DST: variants seen among roughly 807,000 people sequenced by gnomAD.
The protein encoded by DST is bullous pemphigoid antigen.
A neutral mutation model predicts 875.2 loss-of-function variants in DST; 253 were observed. The ratio of observed to expected loss-of-function variants is 0.29; its 90% CI spans 0.26 to 0.32. The LOEUF is 0.32. Among genes scored for constraint, DST ranks in the 10% least tolerant of loss-of-function variants. The probability of loss-of-function intolerance (pLI) is 1.00; values close to 1 mark genes in which losing one functional copy is unlikely to be tolerated. For missense variants in DST, 8,287 were observed against 9,111.6 expected (o/e 0.91, Z 3.68); for synonymous variants, 3,124 against 3,197.1 (o/e 0.98, Z 0.77).
intron 90 of DST, 149 bp downstream of exon 90, chr6:56,481,901 T>C (rs895928642): frequency 2.4e-6 from 2 of 827,968 alleles, no homozygotes; most frequent in African/African-American, 3.4e-5. Context: ...GTAAGCAATG[T>C]GGACAGAAGT....
chr6:56,720,661 G>T (rs113413484), intron 5 of DST, among the ~76,000 whole-genome samples: 3,353 of 152,202 alleles, frequency 0.022, 104 homozygotes, highest in African/African-American at 0.07. Context: ...CAGAGAGCAC[G>T]GGGTTGGGGG....
intron 3 of DST, among the ~76,000 whole-genome samples, chr6:56,880,686 C>CA (rs1451926460): frequency 2.8e-5 from 3 of 106,322 alleles, no homozygotes; most frequent in African/African-American, 1.1e-4. Context: ...GACTCCGTCT[C>CA]AAAAAAAAGA....
rs539150671 is a variant in DST at position 56,463,533 on chromosome 6, G to A, written c.22959+32C>T. ...GTCTACTTGGGACATTGATTGCAAA[G>A]GTGGAGGAAAAGTCTTCATCCTGAG... On this transcript the variant is annotated intron_variant, in intron 101 of 103. Transcript: ENST00000680361. 16 of 1,517,446 alleles carry A rather than the reference G, an allele frequency of 1.1e-5. No individual in the cohort carries two copies. In the South Asian group the frequency reaches 1.2e-4, roughly 11 times the overall value. 94.0% of individuals were successfully genotyped at this position (1,517,446 alleles called of 1,614,324 possible).
intron 2 of DST, among the ~76,000 whole-genome samples, chr6:56,950,383 C>G (rs1264649107): frequency 6.6e-6 from 1 of 152,146 alleles, no homozygotes; most frequent in Non-Finnish European, 1.5e-5. Flanking sequence ...CTGAAGTACT[C>G]CCAAGACCCT....
intron 4 of DST, among the ~76,000 whole-genome samples, chr6:56,759,534 C>A (rs2099612391): frequency 6.6e-6 from 1 of 152,134 alleles, no homozygotes; most frequent in African/African-American, 2.4e-5. Flanking sequence ...ACAGGAATGA[C>A]TTTGTAGTTT....
At chr6:56,517,341 A>C in intron 70 of DST, 36 bp from the exon 71 acceptor site, 1 of 1,597,222 alleles carries the variant, frequency 6.3e-7, no homozygotes, top group Non-Finnish European at 8.6e-7. Flanking sequence ...AAAATAAAAC[A>C]AGAAATTGTA....
At position 56,772,112 on chromosome 6, in the gene DST, G is replaced by A. The variant is rs77541387; in HGVS notation, c.626-36823C>T. 6.1e-3 allele frequency among the ~76,000 whole-genome samples: 929 copies of A among 152,292 alleles called. 2 individuals are homozygous for A. The highest frequency in any genetic ancestry group is 0.031 in the Middle Eastern group (9 of 294). ...AGGTTATTTTAGACATGAGGATTGA[G>A]TAATGCCAAGAAAGCTGACATGTCA... On this transcript the variant is annotated intron_variant, in intron 4 of 103. Transcript: ENST00000680361.
At chr6:56,846,108 C>T (rs2127565349) in intron 4 of DST, among the ~76,000 whole-genome samples, 1 of 152,306 alleles carries the variant, frequency 6.6e-6, no homozygotes, top group East Asian at 1.9e-4. Context: ...ATAGTACCTA[C>T]TTCATGGGGT....
chr6:56,862,689 G>C (rs918539976), intron 3 of DST, among the ~76,000 whole-genome samples: 2 of 152,128 alleles, frequency 1.3e-5, no homozygotes, highest in African/African-American at 2.4e-5. Flanking sequence ...TTACTGTAAT[G>C]GTCCAGCAAT....
chr6:56,600,629 C>T (rs1356430277), intron 44 of DST, among the ~76,000 whole-genome samples: 1 of 152,022 alleles, frequency 6.6e-6, no homozygotes, highest in African/African-American at 2.4e-5. Flanking sequence ...GGTTATCATG[C>T]TAGAGACAAT....
chr6:56,909,990 G>A (rs17685143), intron 2 of DST, among the ~76,000 whole-genome samples: 5 of 152,094 alleles, frequency 3.3e-5, no homozygotes, highest in South Asian at 2.1e-4. Context: ...AGAAGATACC[G>A]TTCTGTTTTC....
At chr6:56,726,519 C>T (rs1036600718) in intron 5 of DST, among the ~76,000 whole-genome samples, 2 of 152,220 alleles carry the variant, frequency 1.3e-5, no homozygotes, top group Admixed American at 6.5e-5. Flanking sequence ...AAACTTCCTA[C>T]TACCTAGCTA....
At position 56,632,607 on chromosome 6, in the gene DST, A is replaced by G. The variant is rs117774917; in HGVS notation, c.3805+247T>C. The stretch of plus-strand genomic sequence containing the variant: ...GATTGCAAAATAGTGAAAACGTTGA[A>G]AAGTAAGAATTCGTTGTTTGTCCAA... On this transcript the variant is annotated intron_variant, in intron 28 of 103. Coordinates refer to ENST00000680361, the MANE Select transcript of DST (RefSeq NM_001374736.1). Among the ~76,000 whole-genome samples the G allele has an allele frequency of 2.0e-5, 3 of 152,324 alleles. No homozygotes were observed. The East Asian group carries it at 5.8e-4, about 29-fold the overall frequency.
chr6:56,868,880 A>G (rs1023008475), intron 3 of DST, among the ~76,000 whole-genome samples: 4 of 152,220 alleles, frequency 2.6e-5, no homozygotes, highest in African/African-American at 9.6e-5. Context: ...AGCACTTCTC[A>G]ATACCCTATG....
intron 2 of DST, among the ~76,000 whole-genome samples, chr6:56,901,026 T>C (rs1260070914): frequency 2.0e-5 from 3 of 151,758 alleles, no homozygotes; most frequent in African/African-American, 7.3e-5. Flanking sequence ...AAGTGCCACT[T>C]TACATTCCTG....
chr6:56,876,687 A>G (rs1779779762), intron 3 of DST, among the ~76,000 whole-genome samples: 1 of 152,196 alleles, frequency 6.6e-6, no homozygotes, highest in South Asian at 2.1e-4. Context: ...ACACTACTCA[A>G]TGAAGCAGCT....
chr6:56,609,357 T>G lies in DST; in HGVS notation c.5284-13A>C, dbSNP rs370410535. The G allele has an allele frequency of 1.9e-6, 3 of 1,569,666 alleles. No individual in the cohort carries two copies. The highest frequency in any genetic ancestry group is 2.6e-6 in the Non-Finnish European group (3 of 1,158,012). On this transcript the variant is annotated splice_polypyrimidine_tract_variant and intron_variant, in intron 39 of 103. Coordinates refer to ENST00000680361, the MANE Select transcript of DST (RefSeq NM_001374736.1). Reference sequence around the variant, plus strand: ...TCACTTTATCCAGCTGAAAGGAAAATGCAAAAATCTCAGGTCACTCTGTTA... The same window carrying G: ...TCACTTTATCCAGCTGAAAGGAAAAGGCAAAAATCTCAGGTCACTCTGTTA...
In DST at chr6:56,609,122, T is replaced by C. The variant is rs779683401; in HGVS notation, c.5506A>G (p.Lys1836Glu). Reference protein sequence around the residue: ...LIDEQILCQLKELSKAKEIIS... With the variant: ...LIDEQILCQLEELSKAKEIIS... ...ATCTCCTTAGCTTTACTTAGTTCTTTGAGTTGGCACAGAATTTGTTCATCA... is the reference window on the plus strand; with the variant it reads ...ATCTCCTTAGCTTTACTTAGTTCTTCGAGTTGGCACAGAATTTGTTCATCA... The change falls in exon 40 of 104, where the codon AAA becomes GAA. Residue 1836 changes from lysine (K) to glutamate (E), a missense_variant. Lys to Glu is a moderately conservative substitution (Grantham distance 56, BLOSUM62 1). Transcript: ENST00000680361. 4.5e-5 allele frequency: 73 copies of C among 1,613,746 alleles called. No homozygotes were observed. Among genetic ancestry groups the C allele is most frequent in the Middle Eastern group, 1.6e-4 (1 of 6,082 alleles).
chr6:56,656,441 A>G (rs2099009078), intron 10 of DST, among the ~76,000 whole-genome samples: 1 of 152,226 alleles, frequency 6.6e-6, no homozygotes, highest in Non-Finnish European at 1.5e-5. Context: ...AACAATCACA[A>G]AACAACAACA....
Sources: allele counts gnomAD v4.1 joint callset (sites outside exome capture counted in the v4.1 genomes callset), GRCh38; gene constraint gnomAD v4.1.1; transcripts MANE v1.5; gene names NCBI Gene and HGNC (gene_info 2026-07-23, HGNC 2026-07-21).